PET117: variants seen among roughly 807,000 people sequenced by gnomAD.
The protein encoded by PET117 is PET117 cytochrome c oxidase chaperone.
Under a neutral mutation model 9.2 loss-of-function variants are expected in PET117, and 10 were observed. The observed-to-expected ratio is 1.09, with a 90% CI of 0.67 to 1.85. The LOEUF is 1.85. PET117 is among the 40% of genes most tolerant of loss of function. The pLI, the probability that PET117 is intolerant of heterozygous loss-of-function variation, is 0.00. For synonymous variants in PET117, 43 were observed against 37.1 expected, an observed-to-expected ratio of 1.16 and a Z score of -0.57; for missense variants, 96 against 98.2, an observed-to-expected ratio of 0.98 and a Z score of 0.09.
In PET117 at chr20:18,142,981, C is replaced by T; in HGVS notation, c.*624C>T. ...CTGTGTGAAGGTTTGTTTTTCCAAC[C>T]TGTGAAAGAAACGTGAATGTAAAAG... On this transcript the variant is annotated 3_prime_UTR_variant, in exon 2 of 2. Transcript: ENST00000432901. 1 of 1,582,406 alleles carries T rather than the reference C, an allele frequency of 6.3e-7. No homozygotes were observed. The highest frequency in any genetic ancestry group is 1.3e-5 in the African/African-American group (1 of 74,146).
chr20:18,140,459 C>T (rs2037488740), intron 1 of PET117, among the ~76,000 whole-genome samples: 1 of 152,038 alleles, frequency 6.6e-6, no homozygotes, highest in Admixed American at 6.6e-5. Context: ...ACCCCACAAA[C>T]ATACGCAGGC....
intron 1 of PET117, among the ~76,000 whole-genome samples, chr20:18,141,038 T>A (rs1424230928): frequency 3.2e-4 from 10 of 31,600 alleles, no homozygotes; most frequent in East Asian, 1.1e-3. Flanking sequence ...TTTTTTTTTT[T>A]TTTTTTTTAT....
In PET117 at chr20:18,138,038, A is replaced by G. The variant is rs1221352255; in HGVS notation, c.83A>G (p.Gln28Arg). 6.7e-7 allele frequency: 1 copy of G among 1,490,576 alleles called. No homozygotes were observed. Among genetic ancestry groups the G allele is most frequent in the Non-Finnish European group, 8.9e-7 (1 of 1,126,694 alleles). The allele number at this position is 1,490,576 out of a possible 1,614,324, so 92.3% of individuals were successfully genotyped here. ...ATVAGVHVKQ[Q>R]WDQQRLRDGV... is the part of the protein sequence containing the mutation. ...GTGGCCGGCGTACATGTGAAGCAGC[A>G]GTGGGACCAGCAGGTCGGTGTCACG... Residue 28 changes from glutamine to arginine, a missense_variant, in exon 1 of 2, where the codon CAG (glutamine) becomes CGG (arginine). Coordinates refer to ENST00000432901, the MANE Select transcript of PET117 (RefSeq NM_001164811.2).
At chr20:18,138,558 A>G in intron 1 of PET117, 2 of 707,302 alleles carry the variant, frequency 2.8e-6, no homozygotes, top group Non-Finnish European at 3.5e-6. Flanking sequence ...TCCCATGGTA[A>G]GGGAGCCCCC....
intron 1 of PET117, among the ~76,000 whole-genome samples, chr20:18,139,990 A>G (rs2037468168): frequency 6.6e-6 from 1 of 152,192 alleles, no homozygotes; most frequent in South Asian, 2.1e-4. Flanking sequence ...GAAAGTTGTT[A>G]GAAAGGTAGT....
At chr20:18,138,902 C>T (rs1203359965) in intron 1 of PET117, among the ~76,000 whole-genome samples, 1 of 152,204 alleles carries the variant, frequency 6.6e-6, no homozygotes, top group Non-Finnish European at 1.5e-5. Context: ...CAGTGATTCA[C>T]GACCTTGCTG....
At chr20:18,140,464 G>A (rs947785324) in intron 1 of PET117, among the ~76,000 whole-genome samples, 6 of 151,906 alleles carry the variant, frequency 3.9e-5, no homozygotes, top group African/African-American at 7.3e-5. Context: ...ACAAACATAC[G>A]CAGGCCCTGG....
At chr20:18,140,281 G>T (rs759650976) in intron 1 of PET117, among the ~76,000 whole-genome samples, 2 of 152,084 alleles carry the variant, frequency 1.3e-5, no homozygotes, top group Non-Finnish European at 2.9e-5. Flanking sequence ...TCTCAGTGGT[G>T]ATCTTGCCAA....
chr20:18,141,814 G>T (rs548893154), intron 1 of PET117, among the ~76,000 whole-genome samples: 1 of 152,306 alleles, frequency 6.6e-6, no homozygotes, highest in South Asian at 2.1e-4. Context: ...AACCCAGGAG[G>T]TGGAGGTTGC....
chr20:18,142,524 A>G lies in PET117; in HGVS notation c.*167A>G. The G allele has an allele frequency of 2.0e-6, 3 of 1,477,460 alleles. No individual in the cohort carries two copies. The highest frequency in any genetic ancestry group is 2.7e-6 in the Non-Finnish European group (3 of 1,114,896). 91.5% of individuals were successfully genotyped at this position (1,477,460 alleles called of 1,614,324 possible). The stretch of plus-strand genomic sequence containing the variant: ...AGTTACTGCTTTCAGGGTCCCTTAT[A>G]TCTGAATAAAGGAGTGTGGGCAGAC... On this transcript the variant is annotated 3_prime_UTR_variant, in exon 2 of 2. Transcript: ENST00000432901.
chr20:18,138,174 C>T, intron 1 of PET117, 123 bp downstream of exon 1: 1 of 1,298,584 alleles, frequency 7.7e-7, no homozygotes, highest in Non-Finnish European at 9.8e-7. Context: ...GGTGGCGCGG[C>T]CCTGCACCCC....
Position 18,142,774 on chromosome 20 carries a change from G to C in PET117, c.*417G>C, listed in dbSNP as rs758097005. 6.8e-6 allele frequency: 11 copies of C among 1,614,204 alleles called. No individual in the cohort carries two copies. The highest frequency in any genetic ancestry group is 6.8e-6 in the Non-Finnish European group (8 of 1,180,046). The stretch of plus-strand genomic sequence containing the variant: ...GTGAAGTGGAGGGAGAGACGCTCCT[G>C]ATCGTCGAATCCGAGGATCAGGCAT... On this transcript the variant is annotated 3_prime_UTR_variant, in exon 2 of 2. Transcript: ENST00000432901.
chr20:18,138,291 T>G, intron 1 of PET117: 6 of 1,199,958 alleles, frequency 5.0e-6, no homozygotes, highest in Non-Finnish European at 4.1e-6. Context: ...CTGCCCGGCT[T>G]AGCGCCTTTG....
At chr20:18,141,021 C>CA (rs1235093264) in intron 1 of PET117, among the ~76,000 whole-genome samples, 12 of 46,082 alleles carry the variant, frequency 2.6e-4, no homozygotes, top group African/African-American at 1.0e-3. Context: ...CCACTCCCTG[C>CA]AATTTTTTTT....
At position 18,142,741 on chromosome 20, in the gene PET117, G is replaced by A. The variant is rs1322904295; in HGVS notation, c.*384G>A. The A allele has an allele frequency of 1.2e-6, 2 of 1,614,214 alleles. No individual in the cohort carries two copies. The highest frequency in any genetic ancestry group is 1.7e-5 in the Admixed American group (1 of 60,028). ...CGAGAACATCGACCTCAGAAGGACT[G>A]GAGGAAGGTGAAGTGGAGGGAGAGA... On this transcript the variant is annotated 3_prime_UTR_variant, in exon 2 of 2. Coordinates refer to ENST00000432901, the MANE Select transcript of PET117 (RefSeq NM_001164811.2).
At chr20:18,138,363 C>T (rs1937882576) in intron 1 of PET117, 2 of 1,075,262 alleles carry the variant, frequency 1.9e-6, no homozygotes, top group Non-Finnish European at 2.3e-6. Context: ...TTGGGGTGCC[C>T]AGTGGCTCTG....
chr20:18,139,678 ATTTT>A (rs1471649153), intron 1 of PET117, among the ~76,000 whole-genome samples: 5 of 114,200 alleles, frequency 4.4e-5, no homozygotes, highest in Non-Finnish European at 6.0e-5. Flanking sequence ...GTGTGTGTTT[ATTTT>A]TTTTCCTTTT....
In PET117 at chr20:18,138,003, G is replaced by C. The variant is rs760478110; in HGVS notation, c.48G>C (p.Thr16=). 3.7e-5 allele frequency: 55 copies of C among 1,506,018 alleles called. No individual in the cohort carries two copies. Among genetic ancestry groups the C allele is most frequent in the East Asian group, 3.5e-4 (13 of 36,942 alleles). The allele number at this position is 1,506,018 out of a possible 1,614,324, so 93.3% of individuals were successfully genotyped here. ...TGCTGGGCCTCTCGGTGCTGCTGAC[G>C]GCGGCCACAGTGGCCGGCGTACATG... ...KVVLGLSVLL[T]AATVAGVHVK... The change falls in exon 1 of 2, where the codon ACG becomes ACC. Residue 16 remains threonine (T), a synonymous_variant. Coordinates refer to ENST00000432901, the MANE Select transcript of PET117 (RefSeq NM_001164811.2).
intron 1 of PET117, among the ~76,000 whole-genome samples, chr20:18,141,048 TTTTTA>T (rs1568661562): frequency 9.4e-5 from 3 of 32,084 alleles, no homozygotes; most frequent in African/African-American, 3.0e-4. Context: ...TTTTTTTTTA[TTTTTA>T]TTTTTGCTAG....
Sources: allele counts gnomAD v4.1 joint callset (sites outside exome capture counted in the v4.1 genomes callset), GRCh38; gene constraint gnomAD v4.1.1; transcripts MANE v1.5; gene names NCBI Gene and HGNC (gene_info 2026-07-23, HGNC 2026-07-21).